The following CNTNAP5 variants were observed in gnomAD, a reference collection of about 807,000 sequenced individuals.
CNTNAP5 encodes the protein contactin-associated protein-like 5.
Under a neutral mutation model 150.2 loss-of-function variants are expected in CNTNAP5, and 72 were observed. The observed-to-expected ratio is 0.48, with a 90% CI of 0.40 to 0.58. CNTNAP5 has a LOEUF of 0.58. Ranked by LOEUF, CNTNAP5 falls within the 20% of genes least tolerant of loss-of-function variation. The probability of loss-of-function intolerance (pLI) is 0.00; values close to 1 mark genes in which losing one functional copy is unlikely to be tolerated. For missense variants in CNTNAP5, 1,636 were observed against 1,626.2 expected (o/e 1.01, Z -0.10); for synonymous variants, 672 against 619.8 (o/e 1.08, Z -1.25).
chr2:124,113,915 G>GTC lies in CNTNAP5; in HGVS notation c.82+88193_82+88194dup, dbSNP rs201698687. Among the ~76,000 whole-genome samples, 627 of 151,152 alleles carry GTC rather than the reference G, an allele frequency of 4.1e-3. 7 individuals carry two copies. The highest frequency in any genetic ancestry group is 0.015 in the African/African-American group (607 of 41,226). On this transcript the variant is annotated intron_variant, in intron 1 of 23. Transcript: ENST00000682447. ...GCATCACCTTTGCTATATATCAAGT[G>GTC]TCTCTCTCTCTATATATATATATAT...
At chr2:124,357,359 T>A (rs571929090) in intron 3 of CNTNAP5, among the ~76,000 whole-genome samples, 3 of 152,320 alleles carry the variant, frequency 2.0e-5, no homozygotes, top group Non-Finnish European at 4.4e-5. Flanking sequence ...GCTTTTGGTG[T>A]TGTGGACATG....
chr2:124,714,515 C>A (rs1679905955), intron 13 of CNTNAP5, among the ~76,000 whole-genome samples: 1 of 152,010 alleles, frequency 6.6e-6, no homozygotes, highest in African/African-American at 2.4e-5. Flanking sequence ...ACTTCAAAGG[C>A]AAAGGCATTA....
rs1272962964 is a variant in CNTNAP5 at position 124,715,032 on chromosome 2, C to G, written c.2078-32197C>G. Among the ~76,000 whole-genome samples, 3 of 152,112 alleles carry G rather than the reference C, an allele frequency of 2.0e-5. No homozygotes were observed. The East Asian group carries it at 5.8e-4, about 29-fold the overall frequency. ...GACAGGACTACCATGAATAAGAAAA[C>G]AAGACAGTAGGACATTGCAATAAGA... On this transcript the variant is annotated intron_variant, in intron 13 of 23. Transcript: ENST00000682447.
intron 1 of CNTNAP5, among the ~76,000 whole-genome samples, chr2:124,100,602 A>G (rs1683041123): frequency 6.6e-6 from 1 of 152,146 alleles, no homozygotes; most frequent in South Asian, 2.1e-4. Flanking sequence ...ACAGTGGCTC[A>G]CGCTCATAAT....
intron 1 of CNTNAP5, among the ~76,000 whole-genome samples, chr2:124,128,067 AAT>A (rs1181319075): frequency 6.6e-6 from 1 of 152,208 alleles, no homozygotes; most frequent in Non-Finnish European, 1.5e-5. Flanking sequence ...AATGGGATCT[AAT>A]TAAACTAAAG....
chr2:124,484,607 T>G (rs1573405249), intron 7 of CNTNAP5, among the ~76,000 whole-genome samples: 1 of 152,200 alleles, frequency 6.6e-6, no homozygotes, highest in Non-Finnish European at 1.5e-5. Context: ...ATAATTATTT[T>G]TATAGCCTCA....
intron 3 of CNTNAP5, among the ~76,000 whole-genome samples, chr2:124,259,032 G>A (rs57457512): frequency 0.025 from 2,533 of 100,032 alleles, 75 homozygotes; most frequent in African/African-American, 0.083. Flanking sequence ...AACAGGCCCC[G>A]GTGTGTGATG....
chr2:124,387,845 A>C (rs970332890), intron 3 of CNTNAP5, among the ~76,000 whole-genome samples: 5 of 152,144 alleles, frequency 3.3e-5, no homozygotes, highest in African/African-American at 1.2e-4. Context: ...ATGAGGACCA[A>C]TTTCAAGCTC....
At chr2:124,849,914 A>C (rs1275114994) in intron 19 of CNTNAP5, among the ~76,000 whole-genome samples, 1 of 152,190 alleles carries the variant, frequency 6.6e-6, no homozygotes, top group African/African-American at 2.4e-5. Flanking sequence ...GGGCTAAGGA[A>C]GGATGTCAAG....
chr2:124,422,821 T>C (rs1692140587), intron 4 of CNTNAP5, among the ~76,000 whole-genome samples: 1 of 152,166 alleles, frequency 6.6e-6, no homozygotes, highest in Admixed American at 6.5e-5. Context: ...GGGACATATA[T>C]GCTTTTAACA....
chr2:124,455,576 A>G lies in CNTNAP5; in HGVS notation c.918+8639A>G, dbSNP rs184376991. 2.1e-3 allele frequency among the ~76,000 whole-genome samples: 326 copies of G among 152,284 alleles called. 5 individuals are homozygous for G. The highest frequency in any genetic ancestry group is 6.2e-4 in the Non-Finnish European group (42 of 68,018). On this transcript the variant is annotated intron_variant, in intron 6 of 23. Coordinates refer to ENST00000682447, the MANE Select transcript of CNTNAP5 (RefSeq NM_001367498.1). ...CCCTAAGTCATTCTATGAAGCCAAT[A>G]TCACCCTAATACCAAAACCAGGAAA...
intron 11 of CNTNAP5, among the ~76,000 whole-genome samples, chr2:124,597,076 C>T (rs112913115): frequency 0.021 from 3,151 of 150,478 alleles, 38 homozygotes; most frequent in Middle Eastern, 0.034. Flanking sequence ...ACACTGAATA[C>T]AGCTCTTGAC....
chr2:124,295,999 T>C (rs999068931), intron 3 of CNTNAP5, among the ~76,000 whole-genome samples: 2 of 152,236 alleles, frequency 1.3e-5, no homozygotes, highest in East Asian at 3.8e-4. Context: ...TATGTTTGCA[T>C]ATTCAATGAA....
At chr2:124,499,268 G>A (rs1379246459) in intron 7 of CNTNAP5, among the ~76,000 whole-genome samples, 2 of 152,130 alleles carry the variant, frequency 1.3e-5, no homozygotes, top group Admixed American at 1.3e-4. Flanking sequence ...TATTGTGTAA[G>A]GCATGGGCAG....
In CNTNAP5 at chr2:124,903,074, C is replaced by T; in HGVS notation, c.3629C>T (p.Ala1210Val). ...TTCATGGTGGACTCAGATGTGAATG[C>T]AGTGACCACGGTGCATTCTTCATCA... ...CGFMVDSDVN[A>V]VTTVHSSSDP... The change falls in exon 22 of 24, where the codon GCA (alanine) becomes GTA (valine). Residue 1210 changes from alanine (A) to valine (V), a missense_variant. Ala to Val is a moderately conservative substitution (Grantham distance 64). Coordinates refer to ENST00000682447, the MANE Select transcript of CNTNAP5 (RefSeq NM_001367498.1). 2 of 1,589,496 alleles carry T rather than the reference C, an allele frequency of 1.3e-6. No individual in the cohort carries two copies. The highest frequency in any genetic ancestry group is 1.7e-6 in the Non-Finnish European group (2 of 1,166,468).
At chr2:124,493,300 CCTT>C (rs1401486167) in intron 7 of CNTNAP5, among the ~76,000 whole-genome samples, 2 of 151,268 alleles carry the variant, frequency 1.3e-5, no homozygotes, top group Non-Finnish European at 2.9e-5. Flanking sequence ...TGCAGCCTCT[CCTT>C]ATTTAATTTT....
At chr2:124,226,276 C>T (rs1177141592) in intron 2 of CNTNAP5, among the ~76,000 whole-genome samples, 1 of 151,978 alleles carries the variant, frequency 6.6e-6, no homozygotes, top group Non-Finnish European at 1.5e-5. Context: ...CACCTATCTC[C>T]TTCTTTATAA....
At chr2:124,742,226 T>C (rs1277052811) in intron 13 of CNTNAP5, among the ~76,000 whole-genome samples, 1 of 152,196 alleles carries the variant, frequency 6.6e-6, no homozygotes, top group East Asian at 1.9e-4. Context: ...GGTTAAATAG[T>C]AGTTTTGCAA....
chr2:124,136,924 G>C (rs1476175884), intron 1 of CNTNAP5, among the ~76,000 whole-genome samples: 1 of 152,048 alleles, frequency 6.6e-6, no homozygotes, highest in Non-Finnish European at 1.5e-5. Flanking sequence ...TGTCTTTTTG[G>C]GATGTCCTGT....
Sources: gnomAD v4.1 joint callset for allele counts (sites outside exome capture counted in the v4.1 genomes callset) on GRCh38, gnomAD v4.1.1 for gene constraint, MANE v1.5 for transcripts, NCBI Gene and HGNC (gene_info 2026-07-23, HGNC 2026-07-21) for gene names.